MAST2: variants seen among roughly 807,000 people sequenced by gnomAD.
MAST2 encodes microtubule-associated serine/threonine-protein kinase 2.
A neutral mutation model predicts 147.4 loss-of-function variants in MAST2; 70 were observed. The ratio of observed to expected loss-of-function variants is 0.47; its 90% CI spans 0.39 to 0.58. The LOEUF (loss-of-function observed/expected upper bound fraction) is 0.58, where lower values mean the gene tolerates loss of function less well. Among genes scored for constraint, MAST2 ranks in the 20% least tolerant of loss-of-function variants. MAST2 has a pLI of 0.00. For synonymous variants in MAST2, 869 were observed against 896.8 expected (o/e 0.97, Z 0.55); for missense variants, 2,080 against 2,302.3 (o/e 0.90, Z 1.98).
In MAST2 at chr1:46,031,058, A is replaced by G; in HGVS notation, c.2760A>G (p.Ser920=). 1 of 1,613,684 alleles carries G rather than the reference A, an allele frequency of 6.2e-7. No individual in the cohort carries two copies. Among genetic ancestry groups the G allele is most frequent in the Non-Finnish European group, 8.5e-7 (1 of 1,179,728 alleles). ...VSESSHTESD[S]SPPMTVRRRC... is the part of the protein sequence containing the mutation. ...AGTCATCCCACACAGAGAGTGACTC[A>G]AGCCCTCCAATGACAGTGCGACGCC... is the stretch of plus-strand genomic sequence containing the variant. The change falls in exon 23 of 29, where the codon TCA becomes TCG. Residue 920 remains serine (S), a synonymous_variant. Transcript: ENST00000361297. The surrounding 1 kb of genome is among the most constrained non-coding windows in gnomAD (Gnocchi z 4.1).
intron 10 of MAST2, among the ~76,000 whole-genome samples, chr1:46,018,809 G>A (rs1646063361): frequency 6.6e-6 from 1 of 152,108 alleles, no homozygotes; most frequent in African/African-American, 2.4e-5. Flanking sequence ...AAAGAGAAAG[G>A]CCCATCGGCC....
rs76171988 is a variant in MAST2, at chr1:45,944,142, T to A, written c.501-15244T>A. Among the ~76,000 whole-genome samples the A allele has an allele frequency of 3.6e-3, 545 of 152,334 alleles. 6 individuals are homozygous for A. Among genetic ancestry groups the A allele is most frequent in the East Asian group, 0.034 (176 of 5,192 alleles). The stretch of plus-strand genomic sequence containing the variant: ...CTATAGCTTGGATTTGAGCCATGAT[T>A]GTACCAACTAAAATGCACAATAATT... On this transcript the variant is annotated intron_variant, in intron 4 of 28. Transcript: ENST00000361297.
intron 2 of MAST2, among the ~76,000 whole-genome samples, chr1:45,825,257 G>C (rs1390303795): frequency 2.0e-5 from 3 of 151,904 alleles, no homozygotes; most frequent in African/African-American, 7.3e-5. Context: ...GATCTCCTGA[G>C]CTTGTGATCC....
chr1:45,864,750 C>A (rs575406750), intron 3 of MAST2, among the ~76,000 whole-genome samples: 1 of 152,256 alleles, frequency 6.6e-6, no homozygotes, highest in Admixed American at 6.5e-5. Flanking sequence ...TAATAAGCAG[C>A]AAAGTCAGGA....
At chr1:46,029,438 C>A in intron 18 of MAST2, 28 bp from the exon 19 acceptor site, 1 of 1,583,018 alleles carries the variant, frequency 6.3e-7, no homozygotes. Flanking sequence ...ACAATTTCTC[C>A]TTTCCCTCTC....
intron 5 of MAST2, among the ~76,000 whole-genome samples, chr1:45,976,595 AC>A (rs1215544368): frequency 6.6e-6 from 1 of 152,206 alleles, no homozygotes; most frequent in African/African-American, 2.4e-5. Flanking sequence ...AGCAGCTTTA[AC>A]TTTTTATTCA....
intron 4 of MAST2, among the ~76,000 whole-genome samples, chr1:45,955,499 A>T (rs1282101226): frequency 6.6e-6 from 1 of 152,198 alleles, no homozygotes; most frequent in East Asian, 1.9e-4. Flanking sequence ...TTAGATGATG[A>T]TAAGTGCTAG....
At chr1:46,005,231 A>G (rs1645437769) in intron 7 of MAST2, among the ~76,000 whole-genome samples, 1 of 152,190 alleles carries the variant, frequency 6.6e-6, no homozygotes, top group Non-Finnish European at 1.5e-5. Flanking sequence ...GCATGGTGGC[A>G]CATGCCTGTA....
intron 4 of MAST2, among the ~76,000 whole-genome samples, chr1:45,886,970 G>A (rs1424821472): frequency 6.6e-6 from 1 of 152,150 alleles, no homozygotes; most frequent in Non-Finnish European, 1.5e-5. Flanking sequence ...TGGCACCACA[G>A]GCACCTGCCA....
intron 3 of MAST2, among the ~76,000 whole-genome samples, chr1:45,864,071 T>C (rs1158767655): frequency 6.6e-6 from 1 of 152,172 alleles, no homozygotes; most frequent in African/African-American, 2.4e-5. Context: ...CTTTCACTCT[T>C]AAAATCTAAA....
chr1:45,829,407 A>G, intron 2 of MAST2, 32 bp from the exon 3 acceptor site: 1 of 1,581,810 alleles, frequency 6.3e-7, no homozygotes, highest in Non-Finnish European at 8.6e-7. Flanking sequence ...ATAAATAATT[A>G]CATGTATATT....
At chr1:46,030,046 C>T (rs1226846976) in intron 20 of MAST2, 83 bp from the exon 21 acceptor site, 1 of 1,601,546 alleles carries the variant, frequency 6.2e-7, no homozygotes, top group African/African-American at 1.3e-5. Context: ...AGCAACTTCT[C>T]AGGGCTCTGC....
At position 46,031,075 on chromosome 1, in the gene MAST2, T is replaced by C; in HGVS notation, c.2777T>C (p.Val926Ala). The change falls in exon 23 of 29, where the codon GTG becomes GCG. Residue 926 changes from valine (V) to alanine (A), a missense_variant. This residue lies in a region of MAST2 where 1,278 missense variants were observed against 1,304.2 expected (regional missense o/e 0.98). Coordinates refer to ENST00000361297, the MANE Select transcript of MAST2 (RefSeq NM_015112.3). This position sits in a 1 kb window ranked among gnomAD's most constrained non-coding sequence, Gnocchi z 4.1. ...AGTGACTCAAGCCCTCCAATGACAG[T>C]GCGACGCCGCTGCTCAGGCCTCCTG... ...TESDSSPPMT[V>A]RRRCSGLLDA... The C allele has an allele frequency of 6.2e-7, 1 of 1,613,530 alleles. No individual in the cohort carries two copies. Among genetic ancestry groups the C allele is most frequent in the Non-Finnish European group, 8.5e-7 (1 of 1,179,700 alleles).
chr1:45,829,672 T>C, intron 3 of MAST2, 91 bp downstream of exon 3: 1 of 1,342,248 alleles, frequency 7.5e-7, no homozygotes, highest in Non-Finnish European at 1.0e-6. Context: ...CTTTTTAGGA[T>C]TTGGAGAATT....
chr1:45,850,204 T>A (rs1332203356), intron 3 of MAST2, among the ~76,000 whole-genome samples: 1 of 152,194 alleles, frequency 6.6e-6, no homozygotes, highest in South Asian at 2.1e-4. Flanking sequence ...ATGGTTAGTA[T>A]GTGGAGCATG....
intron 5 of MAST2, among the ~76,000 whole-genome samples, chr1:45,973,363 C>T (rs1644001971): frequency 6.6e-6 from 1 of 152,170 alleles, no homozygotes; most frequent in East Asian, 1.9e-4. Context: ...GCTCTCTGAG[C>T]ACCACCTCTA....
At chr1:45,887,349 A>G (rs1205979171) in intron 4 of MAST2, among the ~76,000 whole-genome samples, 1 of 152,186 alleles carries the variant, frequency 6.6e-6, no homozygotes, top group Non-Finnish European at 1.5e-5. Context: ...GTGGAGAGGT[A>G]GCTGTTGGTT....
intron 1 of MAST2, among the ~76,000 whole-genome samples, chr1:45,819,986 A>G (rs1443883093): frequency 6.6e-6 from 1 of 152,216 alleles, no homozygotes; most frequent in African/African-American, 2.4e-5. Context: ...GTACTGACAT[A>G]AAAACAAACA....
chr1:46,031,216 TC>T lies in MAST2; in HGVS notation c.2919del (p.Thr974LeufsTer74), dbSNP rs1393038975. ...PPSGEGVSGP[V>X]TEHSGEQRPK... ...TCTGGAGAGGGGGTATCTGGGCCTG[TC>T]ACTGAACACTCAGGGGAGCAGCGGC... On this transcript the variant is annotated frameshift_variant, in exon 23 of 29. Coordinates refer to ENST00000361297, the MANE Select transcript of MAST2 (RefSeq NM_015112.3). LOFTEE classifies it high-confidence loss of function. The surrounding 1 kb of genome is among the most constrained non-coding windows in gnomAD (Gnocchi z 4.1). The T allele has an allele frequency of 6.4e-7, 1 of 1,553,764 alleles. No homozygotes were observed. The highest frequency in any genetic ancestry group is 1.9e-5 in the Admixed American group (1 of 52,458).
Sources: gnomAD v4.1 joint callset for allele counts (sites outside exome capture counted in the v4.1 genomes callset) on GRCh38, gnomAD v4.1.1 for gene constraint, gnomAD v4.1.1 regional missense constraint, Gnocchi (gnomAD v3.1) non-coding constraint, MANE v1.5 for transcripts, NCBI Gene and HGNC (gene_info 2026-07-23, HGNC 2026-07-21) for gene names.